The following THADA variants were observed in gnomAD, a reference collection of about 807,000 sequenced individuals.
THADA encodes the protein THADA armadillo repeat containing.
In THADA, 213 loss-of-function variants were observed where a neutral mutation model predicts 219.8. The ratio of observed to expected loss-of-function variants is 0.97; its 90% confidence interval spans 0.87 to 1.09. The LOEUF (loss-of-function observed/expected upper bound fraction) is 1.09, where lower values mean the gene tolerates loss of function less well. Ranked by LOEUF, THADA falls within the 50% of genes least tolerant of loss-of-function variation. THADA has a pLI of 0.00. For missense variants in THADA, 2,956 were observed against 2,311.3 expected (o/e 1.28, Z -5.72); for synonymous variants, 1,018 against 828.9 (o/e 1.23, Z -3.92).
intron 34 of THADA, among the ~76,000 whole-genome samples, chr2:43,287,821 C>G (rs1011455523): frequency 6.6e-6 from 1 of 152,192 alleles, no homozygotes; most frequent in Non-Finnish European, 1.5e-5. Flanking sequence ...TTGGGAGTAA[C>G]AGGTGATTAA....
At chr2:43,244,572 G>A (rs1668941119) in intron 36 of THADA, among the ~76,000 whole-genome samples, 1 of 152,244 alleles carries the variant, frequency 6.6e-6, no homozygotes, top group Non-Finnish European at 1.5e-5. Context: ...TCTGGAGCAG[G>A]TAATAAAGGC....
chr2:43,230,955 GCCGCTTCTGTT>G lies in THADA; in HGVS notation c.5844_5854del (p.Arg1948SerfsTer?), dbSNP rs770950941. On this transcript the variant is annotated frameshift_variant, in exon 38 of 38. Transcript: ENST00000405975. LOFTEE classifies it high-confidence loss of function. ...CAATCCCCCAGATTTTCTTCAACAT[GCCGCTTCTGTT>G]CTTGGAAGAGTTAACTGCCTCGATT... 1 of 1,603,132 alleles carries G rather than the reference GCCGCTTCTGTT, an allele frequency of 6.2e-7. No homozygotes were observed. The highest frequency in any genetic ancestry group is 8.5e-7 in the Non-Finnish European group (1 of 1,171,668).
chr2:43,414,137 T>A (rs1676653536), intron 28 of THADA, among the ~76,000 whole-genome samples: 1 of 152,274 alleles, frequency 6.6e-6, no homozygotes, highest in Non-Finnish European at 1.5e-5. Context: ...CTACAGTTGG[T>A]TGAATCCATA....
At chr2:43,479,487 C>T (rs1340044547) in intron 26 of THADA, among the ~76,000 whole-genome samples, 5 of 151,930 alleles carry the variant, frequency 3.3e-5, no homozygotes, top group Non-Finnish European at 5.9e-5. Flanking sequence ...CAATGAAAGA[C>T]ATAAGCACAC....
chr2:43,280,332 G>A (rs1047557937), intron 35 of THADA, among the ~76,000 whole-genome samples: 14 of 151,996 alleles, frequency 9.2e-5, no homozygotes, highest in South Asian at 2.1e-4. Context: ...ATGCTCTGGG[G>A]GCAAGAATAA....
chr2:43,324,272 T>A (rs1323810477), intron 30 of THADA, among the ~76,000 whole-genome samples: 3 of 152,246 alleles, frequency 2.0e-5, no homozygotes, highest in Non-Finnish European at 2.9e-5. Context: ...TGAAGTGTTC[T>A]GCATCTTCCC....
At chr2:43,259,009 C>T (rs1191317111) in intron 36 of THADA, among the ~76,000 whole-genome samples, 1 of 152,128 alleles carries the variant, frequency 6.6e-6, no homozygotes, top group African/African-American at 2.4e-5. Context: ...CCTTCTGGAG[C>T]ACTAAGGAAC....
chr2:43,336,745 A>G (rs1558601343), intron 30 of THADA, among the ~76,000 whole-genome samples: 1 of 152,228 alleles, frequency 6.6e-6, no homozygotes, highest in Non-Finnish European at 1.5e-5. Context: ...TCTCCAGATG[A>G]TTCTAAAAAC....
rs1195427191 is a variant in THADA, at chr2:43,508,735, C to T, written c.3420G>A (p.Trp1140Ter). 6.2e-7 allele frequency: 1 copy of T among 1,613,748 alleles called. No homozygotes were observed. Among genetic ancestry groups the T allele is most frequent in the Non-Finnish European group, 8.5e-7 (1 of 1,179,726 alleles). ...SLQKLPEQWL[W>*]SVLEEIKCSD... The stretch of plus-strand genomic sequence containing the variant: ...TGCATTTAATTTCCTCTAAAACACT[C>T]CATAGCCACTGTTCTGGCAGCTTTT... The change falls in exon 23 of 38, where the codon TGG (tryptophan) becomes TGA (stop). Residue 1140 changes from tryptophan to a stop codon, truncating the protein, a stop_gained. Coordinates refer to ENST00000405975, the MANE Select transcript of THADA (RefSeq NM_022065.5). LOFTEE classifies it high-confidence loss of function.
At chr2:43,546,471 G>A (rs956659544) in intron 20 of THADA, among the ~76,000 whole-genome samples, 39 of 152,318 alleles carry the variant, frequency 2.6e-4, no homozygotes, top group African/African-American at 9.1e-4. Context: ...ACGGTGGGGT[G>A]TTAAAGTCTC....
At chr2:43,304,746 A>C (rs1676658559) in intron 31 of THADA, among the ~76,000 whole-genome samples, 1 of 148,588 alleles carries the variant, frequency 6.7e-6, no homozygotes, top group Non-Finnish European at 1.5e-5. Flanking sequence ...ATCTCGGCTC[A>C]CCGCAACCTC....
At chr2:43,282,002 T>C (rs60529628) in intron 35 of THADA, among the ~76,000 whole-genome samples, 1 of 152,224 alleles carries the variant, frequency 6.6e-6, no homozygotes, top group African/African-American at 2.4e-5. Flanking sequence ...ACTCCTGGGG[T>C]CAAGTGATCT....
chr2:43,269,196 G>A (rs1044901737), intron 36 of THADA, among the ~76,000 whole-genome samples: 3 of 152,200 alleles, frequency 2.0e-5, no homozygotes, highest in African/African-American at 7.2e-5. Flanking sequence ...CTGCAGCCGC[G>A]TCAGCACCAG....
chr2:43,552,708 A>G (rs1252072520), intron 17 of THADA, among the ~76,000 whole-genome samples: 1 of 152,190 alleles, frequency 6.6e-6, no homozygotes, highest in Non-Finnish European at 1.5e-5. Flanking sequence ...ATGCCACAAA[A>G]TTCATACATT....
chr2:43,447,999 T>C (rs1681799239), intron 26 of THADA, among the ~76,000 whole-genome samples: 1 of 152,212 alleles, frequency 6.6e-6, no homozygotes, highest in African/African-American at 2.4e-5. Flanking sequence ...GGGGAAAGAA[T>C]AAACATAACT....
At chr2:43,546,238 T>C (rs1696016343) in intron 20 of THADA, among the ~76,000 whole-genome samples, 1 of 152,068 alleles carries the variant, frequency 6.6e-6, no homozygotes, top group Non-Finnish European at 1.5e-5. Flanking sequence ...TGAGAGACAG[T>C]TTGTTATAAT....
At chr2:43,489,149 T>C (rs1687291535) in intron 25 of THADA, among the ~76,000 whole-genome samples, 1 of 152,188 alleles carries the variant, frequency 6.6e-6, no homozygotes, top group Non-Finnish European at 1.5e-5. Flanking sequence ...ACATTTTTTT[T>C]CTTGATGCTG....
At chr2:43,317,721 G>A (rs962903655) in intron 31 of THADA, among the ~76,000 whole-genome samples, 1 of 152,130 alleles carries the variant, frequency 6.6e-6, no homozygotes, top group Non-Finnish European at 1.5e-5. Context: ...TGCTCCTACT[G>A]TTTGTGTGGA....
intron 20 of THADA, among the ~76,000 whole-genome samples, chr2:43,544,631 G>A (rs1695779542): frequency 6.6e-6 from 1 of 150,926 alleles, no homozygotes; most frequent in African/African-American, 2.4e-5. Flanking sequence ...TATTCTCTTT[G>A]AAGCAATTGT....
Sources: allele counts gnomAD v4.1 joint callset (sites outside exome capture counted in the v4.1 genomes callset), GRCh38; gene constraint gnomAD v4.1.1; transcripts MANE v1.5; gene names NCBI Gene and HGNC (gene_info 2026-07-23, HGNC 2026-07-21).